KCNH5: variants seen among roughly 807,000 people sequenced by gnomAD.
The protein encoded by KCNH5 is potassium voltage-gated channel subfamily H member 5.
In KCNH5, 46 loss-of-function variants were observed where a neutral mutation model predicts 96.1. The ratio of observed to expected loss-of-function variants is 0.48; its 90% CI spans 0.38 to 0.61. The LOEUF is 0.61. KCNH5 is among the 20% of genes least tolerant of loss of function. The pLI is 0.00. For synonymous variants in KCNH5, 439 were observed against 449.8 expected, an observed-to-expected ratio of 0.98 and a Z score of 0.30; for missense variants, 907 against 1,225.8, an observed-to-expected ratio of 0.74 and a Z score of 3.88.
intron 8 of KCNH5, among the ~76,000 whole-genome samples, chr14:62,833,868 T>C (rs552740594): frequency 6.6e-6 from 1 of 152,154 alleles, no homozygotes; most frequent in South Asian, 2.1e-4. Context: ...ATCATTATCT[T>C]GTGCCATTAT....
Position 62,705,126 on chromosome 14 carries a change from TATGAA to T in KCNH5, c.*2377_*2381del, listed in dbSNP as rs1884405961. 1 of 151,994 alleles carries T rather than the reference TATGAA, an allele frequency of 6.6e-6. No homozygotes were observed. The highest frequency in any genetic ancestry group is 1.5e-5 in the Non-Finnish European group (1 of 67,848). 9.4% of individuals were successfully genotyped at this position (151,994 alleles called of 1,614,324 possible). A position where few individuals can be genotyped will look rare whatever the true frequency, so the allele number is the denominator to read the frequency against. On this transcript the variant is annotated 3_prime_UTR_variant, in exon 11 of 11. Transcript: ENST00000322893. ...TCAAAACCATTATGTTTCTCACATA[TATGAA>T]CAATAACATTGTAGGTCGATTAGGT...
intron 7 of KCNH5, among the ~76,000 whole-genome samples, chr14:62,865,331 T>C (rs1423975161): frequency 5.1e-5 from 5 of 97,710 alleles, no homozygotes; most frequent in African/African-American, 1.2e-4. Flanking sequence ...TAAAATGCTA[T>C]TTAAAAAAAA....
At chr14:62,838,056 T>A (rs1460806644) in intron 8 of KCNH5, among the ~76,000 whole-genome samples, 3 of 152,202 alleles carry the variant, frequency 2.0e-5, no homozygotes, top group Non-Finnish European at 4.4e-5. Flanking sequence ...ATTAAACTAC[T>A]GATTTAAATT....
intron 6 of KCNH5, among the ~76,000 whole-genome samples, chr14:62,960,289 G>C (rs185267341): frequency 2.0e-5 from 3 of 152,146 alleles, no homozygotes; most frequent in Admixed American, 2.0e-4. Flanking sequence ...TAATCTCAAA[G>C]GACCATGTAC....
At chr14:62,956,348 G>A (rs1025742406) in intron 6 of KCNH5, among the ~76,000 whole-genome samples, 1 of 152,122 alleles carries the variant, frequency 6.6e-6, no homozygotes, top group African/African-American at 2.4e-5. Flanking sequence ...TCCCTTTGTT[G>A]GGAGAGGGGC....
intron 4 of KCNH5, among the ~76,000 whole-genome samples, chr14:62,997,899 CA>C (rs568941043): frequency 0.016 from 992 of 60,780 alleles, 5 homozygotes; most frequent in East Asian, 0.045. Flanking sequence ...GACTCCATCT[CA>C]AAAAAAAAAA....
chr14:63,001,368 C>T lies in KCNH5; in HGVS notation c.396G>A (p.Thr132=), dbSNP rs143574473. Reference sequence around the variant, plus strand: ...CATCCTCTATTGGCTGTTTGAACAACGTAATATCCTTGAAAGTACACAGGA... The same window carrying T: ...CATCCTCTATTGGCTGTTTGAACAATGTAATATCCTTGAAAGTACACAGGA... The part of the protein sequence containing the change: ...VLFLCTFKDI[T]LFKQPIEDDS... The change falls in exon 4 of 11, where the codon ACG becomes ACA. Residue 132 remains threonine, a synonymous_variant. Transcript: ENST00000322893. 26 of 1,612,020 alleles carry T rather than the reference C, an allele frequency of 1.6e-5. 1 individual carries two copies. The highest frequency in any genetic ancestry group is 8.0e-5 in the African/African-American group (6 of 74,948).
chr14:63,003,624 A>AT (rs775227561), intron 3 of KCNH5, among the ~76,000 whole-genome samples: 1,103 of 92,804 alleles, frequency 0.012, 27 homozygotes, highest in South Asian at 0.015. Flanking sequence ...ATATATATAT[A>AT]TTTTTTTTTT....
intron 7 of KCNH5, among the ~76,000 whole-genome samples, chr14:62,892,824 A>C (rs1188662027): frequency 6.6e-6 from 1 of 152,168 alleles, no homozygotes; most frequent in Non-Finnish European, 1.5e-5. Flanking sequence ...GATTCACTGG[A>C]TATTTTAAGC....
At chr14:62,799,064 G>A (rs938461637) in intron 9 of KCNH5, among the ~76,000 whole-genome samples, 1 of 152,266 alleles carries the variant, frequency 6.6e-6, no homozygotes, top group Non-Finnish European at 1.5e-5. Flanking sequence ...TAAAAGCAAA[G>A]AGCATTAAAC....
At chr14:63,031,342 T>A (rs1007062) in intron 1 of KCNH5, among the ~76,000 whole-genome samples, 46,196 of 151,814 alleles carry the variant, frequency 0.3, 8,666 homozygotes, top group East Asian at 0.58. Context: ...CCTAAAGGAG[T>A]TCATACACAA....
At chr14:62,742,751 G>C (rs1375216454) in intron 10 of KCNH5, among the ~76,000 whole-genome samples, 1 of 152,072 alleles carries the variant, frequency 6.6e-6, no homozygotes, top group Non-Finnish European at 1.5e-5. Context: ...GAGATGCCAT[G>C]GCGCCATTAA....
intron 7 of KCNH5, among the ~76,000 whole-genome samples, chr14:62,874,480 A>G (rs1888327634): frequency 1.3e-5 from 2 of 152,176 alleles, no homozygotes; most frequent in Non-Finnish European, 2.9e-5. Context: ...GCACATCAGA[A>G]AGCTTATCCA....
intron 7 of KCNH5, among the ~76,000 whole-genome samples, chr14:62,862,212 TTAAAA>T (rs1445279678): frequency 6.6e-6 from 1 of 152,206 alleles, no homozygotes; most frequent in East Asian, 1.9e-4. Context: ...AGGATAATAC[TTAAAA>T]TAATACTGAA....
chr14:62,961,687 G>C (rs989189618), intron 6 of KCNH5, among the ~76,000 whole-genome samples: 3 of 152,180 alleles, frequency 2.0e-5, no homozygotes, highest in Non-Finnish European at 4.4e-5. Flanking sequence ...AATGGAAATG[G>C]AGATGGAGAT....
intron 10 of KCNH5, among the ~76,000 whole-genome samples, chr14:62,765,090 G>C (rs1214224317): frequency 6.6e-6 from 1 of 152,092 alleles, no homozygotes; most frequent in African/African-American, 2.4e-5. Context: ...AAAGAACAAG[G>C]CTGGAGGAAT....
intron 4 of KCNH5, among the ~76,000 whole-genome samples, chr14:62,993,547 G>A (rs571604808): frequency 3.3e-5 from 5 of 152,018 alleles, no homozygotes; most frequent in South Asian, 2.1e-4. Flanking sequence ...TCACACATAC[G>A]TTTCAATCAT....
chr14:62,911,339 C>T (rs372317152), intron 7 of KCNH5, among the ~76,000 whole-genome samples: 2 of 146,684 alleles, frequency 1.4e-5, no homozygotes, highest in East Asian at 2.0e-4. Context: ...AGTGCAGTGG[C>T]GCAATCTCGG....
chr14:62,986,887 C>T (rs1890718751), intron 5 of KCNH5, among the ~76,000 whole-genome samples, 185 bp downstream of exon 5: 1 of 152,096 alleles, frequency 6.6e-6, no homozygotes. Context: ...AGCTACACTC[C>T]CATTTCAAAA....
Sources: gnomAD v4.1 joint callset for allele counts (sites outside exome capture counted in the v4.1 genomes callset) on GRCh38, gnomAD v4.1.1 for gene constraint, MANE v1.5 for transcripts, NCBI Gene and HGNC (gene_info 2026-07-23, HGNC 2026-07-21) for gene names.